MTMR1: variants seen among roughly 807,000 people sequenced by gnomAD.
MTMR1 encodes myotubularin related protein 1.
MTMR1 carries 17 observed loss-of-function variants against 51.6 expected under a neutral mutation model. The ratio of observed to expected loss-of-function variants is 0.33; its 90% CI spans 0.23 to 0.49. The LOEUF is 0.49. MTMR1 is among the 20% of genes least tolerant of loss of function. The probability of loss-of-function intolerance (pLI) is 0.99; values close to 1 mark genes in which losing one functional copy is unlikely to be tolerated. For synonymous variants in MTMR1, 201 were observed against 205.6 expected (o/e 0.98, Z 0.19); for missense variants, 386 against 526.9 (o/e 0.73, Z 2.62).
At chrX:150,693,961 C>G (rs1557415656) in intron 1 of MTMR1, among the ~76,000 whole-genome samples, 2 of 111,810 alleles carry the variant, frequency 1.8e-5, no homozygotes, top group African/African-American at 6.5e-5. Context: ...AGCTGTCAAA[C>G]CACTTCCGGC....
chrX:150,759,834 C>A (rs2043036191), intron 15 of MTMR1, among the ~76,000 whole-genome samples: 1 of 109,440 alleles, frequency 9.1e-6, no homozygotes, highest in Non-Finnish European at 1.9e-5. Context: ...GTTAACGCTC[C>A]CAGCAATTCC....
At chrX:150,759,416 GTGTCA>G (rs147887027) in intron 15 of MTMR1, among the ~76,000 whole-genome samples, 2,844 of 106,468 alleles carry the variant, frequency 0.027, 95 homozygotes, top group Non-Finnish European at 0.044. Context: ...GGTTGGTGGA[GTGTCA>G]TGAACATTAG....
intron 1 of MTMR1, 111 bp downstream of exon 1, chrX:150,693,787 G>C: frequency 1.9e-6 from 1 of 535,995 alleles, no homozygotes. Context: ...CGGTGGCGGG[G>C]TGGGCGGCCC....
chrX:150,733,383 G>A (rs1364409414), intron 10 of MTMR1, among the ~76,000 whole-genome samples: 1 of 111,329 alleles, frequency 9.0e-6, no homozygotes, highest in East Asian at 2.8e-4. Context: ...CTGATGACAC[G>A]GCTTTAAACA....
At chrX:150,697,105 G>A (rs1214622676) in intron 1 of MTMR1, among the ~76,000 whole-genome samples, 3 of 112,183 alleles carry the variant, frequency 2.7e-5, no homozygotes, top group African/African-American at 9.7e-5. Context: ...GGTGCTGACA[G>A]AAAAAGGCAT....
At chrX:150,717,558 A>G (rs1463341290) in intron 3 of MTMR1, among the ~76,000 whole-genome samples, 1 of 110,269 alleles carries the variant, frequency 9.1e-6, no homozygotes, top group Non-Finnish European at 1.9e-5. Flanking sequence ...ATGACACATT[A>G]TGTCAGAGAT....
intron 15 of MTMR1, among the ~76,000 whole-genome samples, chrX:150,760,662 G>A (rs982061271): frequency 2.3e-4 from 26 of 112,138 alleles, no homozygotes; most frequent in South Asian, 1.1e-3. Flanking sequence ...GGTGGCTCAC[G>A]CCTGTAATCC....
chrX:150,731,724 G>A (rs2042122888), intron 9 of MTMR1, 105 bp downstream of exon 9: 2 of 728,761 alleles, frequency 2.7e-6, no homozygotes, highest in African/African-American at 2.2e-5. Flanking sequence ...ATGGAAAGCA[G>A]AAAAATAAGC....
intron 6 of MTMR1, among the ~76,000 whole-genome samples, chrX:150,729,830 C>G (rs966678321): frequency 9.0e-6 from 1 of 111,082 alleles, no homozygotes; most frequent in Non-Finnish European, 1.9e-5. Context: ...ACCAGCCTGA[C>G]CAACATAGTG....
intron 14 of MTMR1, chrX:150,751,057 C>T (rs782564886): frequency 7.9e-6 from 9 of 1,144,344 alleles, no homozygotes; most frequent in African/African-American, 1.8e-5. Context: ...CCAGCGAGCC[C>T]GTGGCTCTCT....
chrX:150,699,258 T>A lies in MTMR1; in HGVS notation c.210T>A (p.Ile70=). ...TAGCTGCTACAATTTCTAGTCAGAT[T>A]TCAGGTTCAGTGACATCAGAAAATG... ...QLIAATISSQ[I]SGSVTSENVS... is the part of the protein sequence containing the mutation. Residue 70 remains isoleucine, a synonymous_variant, in exon 2 of 16, where the codon ATT becomes ATA. Transcript: ENST00000445323. 8.3e-7 allele frequency: 1 copy of A among 1,205,134 alleles called. No individual in the cohort carries two copies. Among genetic ancestry groups the A allele is most frequent in the Non-Finnish European group, 1.1e-6 (1 of 891,404 alleles).
chrX:150,755,553 G>T (rs2042881019), intron 14 of MTMR1, 136 bp from the exon 15 acceptor site: 4 of 455,182 alleles, frequency 8.8e-6, no homozygotes, highest in Non-Finnish European at 1.4e-5. Flanking sequence ...AGAAGGTGGG[G>T]CTGGGACCTA....
At chrX:150,762,011 C>A (rs1557418041) in intron 15 of MTMR1, among the ~76,000 whole-genome samples, 1 of 112,719 alleles carries the variant, frequency 8.9e-6, no homozygotes, top group African/African-American at 3.2e-5. Context: ...GCTCCCCACC[C>A]CCCTGCCGGC....
intron 8 of MTMR1, among the ~76,000 whole-genome samples, chrX:150,730,848 C>T (rs189195362): frequency 6.8e-4 from 76 of 111,755 alleles, no homozygotes; most frequent in Non-Finnish European, 3.6e-4. Context: ...AGGACAAGGA[C>T]GGGTTTAAAA....
At chrX:150,703,694 A>G (rs1557415997) in intron 2 of MTMR1, among the ~76,000 whole-genome samples, 1 of 112,116 alleles carries the variant, frequency 8.9e-6, no homozygotes, top group African/African-American at 3.2e-5. Flanking sequence ...GCCCTAGTCT[A>G]TGAAAAGGGA....
intron 6 of MTMR1, among the ~76,000 whole-genome samples, chrX:150,729,219 CA>C (rs1557416883): frequency 0.017 from 510 of 29,312 alleles, 2 homozygotes; most frequent in African/African-American, 0.03. Flanking sequence ...CACACCCACC[CA>C]CACACACACA....
chrX:150,718,545 C>G lies in MTMR1; in HGVS notation c.277-80C>G, dbSNP rs1234928100. Reference sequence around the variant, plus strand: ...CATCACAGAACACCGAAATTCTTCACAGGTATACGGAAAGTGAGATTTACT... The same window carrying G: ...CATCACAGAACACCGAAATTCTTCAGAGGTATACGGAAAGTGAGATTTACT... On this transcript the variant is annotated intron_variant, in intron 3 of 15. Coordinates refer to ENST00000445323, the MANE Select transcript of MTMR1 (RefSeq NM_001306144.3). 2.9e-6 allele frequency: 3 copies of G among 1,048,755 alleles called. No individual in the cohort carries two copies. In the African/African-American group the frequency reaches 6.3e-5, roughly 22 times the overall value. 86.4% of individuals were successfully genotyped at this position (1,048,755 alleles called of 1,213,427 possible).
chrX:150,756,859 C>T (rs2042917774), intron 15 of MTMR1, among the ~76,000 whole-genome samples: 1 of 111,181 alleles, frequency 9.0e-6, no homozygotes, highest in Admixed American at 9.5e-5. Flanking sequence ...CCATGTTGGC[C>T]TGGCTGGTCT....
chrX:150,693,631 G>A lies in MTMR1; in HGVS notation c.101G>A (p.Gly34Asp). ...AGGAGGCCTCCTCGGGCCGCGGGGG[G>A]CGCCACCGCCGGCTCCCGGCAGCCC... is the stretch of plus-strand genomic sequence containing the variant. ...GGRRPPRAAG[G>D]ATAGSRQPSV... The change falls in exon 1 of 16, where the codon GGC becomes GAC. Residue 34 changes from glycine to aspartate, a missense_variant. By Grantham distance (94) the Gly-to-Asp change is moderately conservative. Transcript: ENST00000445323. 2 of 756,929 alleles carry A rather than the reference G, an allele frequency of 2.6e-6. No homozygotes were observed. Among genetic ancestry groups the A allele is most frequent in the Non-Finnish European group, 3.1e-6 (2 of 641,939 alleles). The allele number at this position is 756,929 out of a possible 1,213,427, so 62.4% of individuals were successfully genotyped here. A position where few individuals can be genotyped will look rare whatever the true frequency, so the allele number is the denominator to read the frequency against.
Sources: gnomAD v4.1 joint callset for allele counts (sites outside exome capture counted in the v4.1 genomes callset) on GRCh38, gnomAD v4.1.1 for gene constraint, MANE v1.5 for transcripts, NCBI Gene and HGNC (gene_info 2026-07-23, HGNC 2026-07-21) for gene names.